CHST8: variants seen among roughly 807,000 people sequenced by gnomAD.
CHST8 encodes the protein carbohydrate sulfotransferase 8, also known as GALNAC-4-ST1.
CHST8 carries 10 observed loss-of-function variants against 15.0 expected under a neutral mutation model. The ratio of observed to expected loss-of-function variants is 0.67; its 90% CI spans 0.41 to 1.13. CHST8 has a LOEUF of 1.13. Ranked by LOEUF, CHST8 falls within the 50% of genes most tolerant of loss-of-function variation. The pLI is 0.00. For missense variants in CHST8, 634 were observed against 608.2 expected, an observed-to-expected ratio of 1.04 and a Z score of -0.45; for synonymous variants, 259 against 256.6, an observed-to-expected ratio of 1.01 and a Z score of -0.09.
chr19:33,674,866 G>A (rs561653752), intron 2 of CHST8, among the ~76,000 whole-genome samples: 10 of 152,340 alleles, frequency 6.6e-5, no homozygotes, highest in South Asian at 2.1e-4. Context: ...TCATTCTCCC[G>A]TTGGCCAGGA....
intron 3 of CHST8, among the ~76,000 whole-genome samples, chr19:33,762,850 G>A (rs1014428870): frequency 2.7e-5 from 4 of 149,780 alleles, no homozygotes; most frequent in South Asian, 2.1e-4. Context: ...GGGTGTGTGC[G>A]CTCAGTTTTC....
chr19:33,657,825 C>T lies in CHST8; in HGVS notation c.-163-9942C>T, dbSNP rs987866657. ...GGCTCAAGCAATCCTCCCACCTTTG[C>T]CTCCCAAAGCACTGGGATTACAGGC... On this transcript the variant is annotated intron_variant, in intron 1 of 4. Coordinates refer to ENST00000650847, the MANE Select transcript of CHST8 (RefSeq NM_001127895.2). Among the ~76,000 whole-genome samples the T allele has an allele frequency of 3.3e-5, 5 of 152,200 alleles. No individual in the cohort carries two copies. The East Asian group carries it at 9.6e-4, about 29-fold the overall frequency.
intron 1 of CHST8, among the ~76,000 whole-genome samples, chr19:33,632,008 A>G (rs909063585): frequency 7.9e-5 from 12 of 152,172 alleles, no homozygotes; most frequent in Non-Finnish European, 1.3e-4. Flanking sequence ...CTCCCGTTTT[A>G]TCTTGGGTGT....
At chr19:33,664,213 A>T (rs1972622556) in intron 1 of CHST8, among the ~76,000 whole-genome samples, 1 of 152,008 alleles carries the variant, frequency 6.6e-6, no homozygotes, top group Non-Finnish European at 1.5e-5. Context: ...ATTTAAAGAG[A>T]TATATGGATT....
chr19:33,766,318 A>AC (rs966610219), intron 3 of CHST8, among the ~76,000 whole-genome samples: 6 of 149,508 alleles, frequency 4.0e-5, no homozygotes, highest in South Asian at 2.1e-4. Flanking sequence ...CTAGCATGCC[A>AC]CCCCCCCATT....
chr19:33,754,955 T>G (rs751597519), intron 3 of CHST8, among the ~76,000 whole-genome samples: 21 of 152,320 alleles, frequency 1.4e-4, no homozygotes, highest in Admixed American at 2.6e-4. Context: ...GGCACCTGTC[T>G]GCAGCCTGAT....
intron 2 of CHST8, among the ~76,000 whole-genome samples, chr19:33,685,651 A>G (rs1006664961): frequency 6.6e-6 from 1 of 152,144 alleles, no homozygotes; most frequent in African/African-American, 2.4e-5. Flanking sequence ...GTGGAGGCTG[A>G]GGCCTGTGAC....
At chr19:33,712,927 G>A (rs1973587467) in intron 3 of CHST8, among the ~76,000 whole-genome samples, 2 of 152,330 alleles carry the variant, frequency 1.3e-5, no homozygotes, top group South Asian at 4.1e-4. Flanking sequence ...GGGACGTGCT[G>A]TCAAAATCCA....
At chr19:33,668,654 G>A (rs1972694935) in intron 2 of CHST8, among the ~76,000 whole-genome samples, 1 of 152,080 alleles carries the variant, frequency 6.6e-6, no homozygotes, top group Admixed American at 6.6e-5. Flanking sequence ...TTGAATAATT[G>A]GAGAGGCTTT....
At chr19:33,622,460 G>C (rs923468154) in intron 1 of CHST8, among the ~76,000 whole-genome samples, 164 bp downstream of exon 1, 2 of 152,220 alleles carry the variant, frequency 1.3e-5, no homozygotes, top group African/African-American at 4.8e-5. Flanking sequence ...AGGTGGGCGC[G>C]CGGGGCTCGG....
At position 33,667,814 on chromosome 19, in the gene CHST8, A is replaced by G. The variant is rs1972682201; in HGVS notation, c.-116A>G. ...CTTACCTTAATTTGACAAGTACGCA[A>G]GAAATAATGCAAGACTCGTTTATGT... On this transcript the variant is annotated 5_prime_UTR_variant, in exon 2 of 5. Coordinates refer to ENST00000650847, the MANE Select transcript of CHST8 (RefSeq NM_001127895.2). 6.6e-6 allele frequency: 1 copy of G among 152,174 alleles called. No homozygotes were observed. Among genetic ancestry groups the G allele is most frequent in the Non-Finnish European group, 1.5e-5 (1 of 68,024 alleles). The allele number at this position is 152,174 out of a possible 1,614,324, so 9.4% of individuals were successfully genotyped here. A position where few individuals can be genotyped will look rare whatever the true frequency, so the allele number is the denominator to read the frequency against.
chr19:33,765,554 T>TGTGAGA (rs1568362712), intron 3 of CHST8, among the ~76,000 whole-genome samples: 1 of 102,802 alleles, frequency 9.7e-6, no homozygotes. Flanking sequence ...TGTGTGTGTG[T>TGTGAGA]CAGAGAGAGA....
At chr19:33,719,505 C>T (rs1973737072) in intron 3 of CHST8, among the ~76,000 whole-genome samples, 1 of 151,972 alleles carries the variant, frequency 6.6e-6, no homozygotes, top group African/African-American at 2.4e-5. Flanking sequence ...TGGGGAGTTG[C>T]TGAAAATGAG....
intron 3 of CHST8, among the ~76,000 whole-genome samples, chr19:33,722,369 G>A (rs749893118): frequency 2.0e-5 from 3 of 152,156 alleles, no homozygotes; most frequent in East Asian, 1.9e-4. Context: ...ATGGACGGAC[G>A]GACAGACGGA....
At chr19:33,639,461 G>A (rs540991284) in intron 1 of CHST8, among the ~76,000 whole-genome samples, 115 of 152,296 alleles carry the variant, frequency 7.6e-4, no homozygotes, top group Middle Eastern at 3.4e-3. Context: ...ACCATAACAG[G>A]TCCATTGCCT....
At chr19:33,643,287 G>A (rs1972307271) in intron 1 of CHST8, among the ~76,000 whole-genome samples, 1 of 152,108 alleles carries the variant, frequency 6.6e-6, no homozygotes, top group Admixed American at 6.5e-5. Context: ...GTTAAAGAGG[G>A]GCGTGATTAT....
rs1975050869 is a variant in CHST8 at position 33,773,237 on chromosome 19, T to A, written c.*174T>A. The A allele has an allele frequency of 1.4e-6, 1 of 699,640 alleles. No individual in the cohort carries two copies. Among genetic ancestry groups the A allele is most frequent in the East Asian group, 2.7e-5 (1 of 36,448 alleles). The allele number at this position is 699,640 out of a possible 1,614,324, so 43.3% of individuals were successfully genotyped here. ...GGGGGCAGAGGCGCCCAGCCTTGGA[T>A]GGGGACCCCAGCCCCTGGCCTGTAC... On this transcript the variant is annotated 3_prime_UTR_variant, in exon 5 of 5. Coordinates refer to ENST00000650847, the MANE Select transcript of CHST8 (RefSeq NM_001127895.2).
chr19:33,749,433 TCATCCCCCCATCTCCCCAC>T (rs979902112), intron 3 of CHST8, among the ~76,000 whole-genome samples: 30 of 55,830 alleles, frequency 5.4e-4, no homozygotes, highest in African/African-American at 2.3e-3. Flanking sequence ...ATCCTCCCCA[TCATCCCCCCATCTCCCCAC>T]CATCCCCCCA....
intron 3 of CHST8, among the ~76,000 whole-genome samples, chr19:33,699,750 G>T (rs1973295147): frequency 6.6e-6 from 1 of 152,122 alleles, no homozygotes; most frequent in Non-Finnish European, 1.5e-5. Context: ...GCGTCCCAGG[G>T]TTACCAGGGA....
Sources: gnomAD v4.1 joint callset for allele counts (sites outside exome capture counted in the v4.1 genomes callset) on GRCh38, gnomAD v4.1.1 for gene constraint, MANE v1.5 for transcripts, NCBI Gene and HGNC (gene_info 2026-07-23, HGNC 2026-07-21) for gene names.